The following ZFYVE28 variants were observed in gnomAD, a reference collection of about 807,000 sequenced individuals.
ZFYVE28 encodes the protein zinc finger FYVE-type containing 28, also known as lateral signaling target protein 2 homolog.
In ZFYVE28, 40 loss-of-function variants were observed where a neutral mutation model predicts 82.1. The ratio of observed to expected loss-of-function variants is 0.49; its 90% CI spans 0.38 to 0.63. ZFYVE28 has a LOEUF of 0.63. Ranked by LOEUF, ZFYVE28 falls within the 30% of genes least tolerant of loss-of-function variation. The pLI is 0.00. For synonymous variants in ZFYVE28, 612 were observed against 546.1 expected (o/e 1.12, Z -1.68); for missense variants, 1,321 against 1,242.1 (o/e 1.06, Z -0.96).
At position 2,273,225 on chromosome 4, in the gene ZFYVE28, A is replaced by C; in HGVS notation, c.2271T>G (p.Phe757Leu). ...TTTCAGGCTTGGTGGCCATGACCTC[A>C]AACAGTGTTTTAAGAATACTTCTCA... ...SDLRSILKTLFEVMATKPETD... is the reference protein window; with the variant it reads ...SDLRSILKTLLEVMATKPETD... Residue 757 changes from phenylalanine (F) to leucine (L), a missense_variant, in exon 10 of 13, where the codon TTT (phenylalanine) becomes TTG (leucine). Phe to Leu is a conservative substitution (Grantham distance 22, BLOSUM62 0). Transcript: ENST00000290974. 6.2e-7 allele frequency: 1 copy of C among 1,613,898 alleles called. No individual in the cohort carries two copies. The highest frequency in any genetic ancestry group is 8.5e-7 in the Non-Finnish European group (1 of 1,179,930).
chr4:2,332,699 A>G lies in ZFYVE28; in HGVS notation c.701+3006T>C, dbSNP rs1195568986. On this transcript the variant is annotated intron_variant, in intron 6 of 12. Coordinates refer to ENST00000290974, the MANE Select transcript of ZFYVE28 (RefSeq NM_020972.3). The surrounding 1 kb of genome is among the most constrained non-coding windows in gnomAD (Gnocchi z 4.7). ...CGGCTCAAAGCGGTCGCTGTGGATG[A>G]CGAGGAACAAGACGGGATCCGCTGG... 6.6e-6 allele frequency among the ~76,000 whole-genome samples: 1 copy of G among 152,152 alleles called. No homozygotes were observed. Among genetic ancestry groups the G allele is most frequent in the Non-Finnish European group, 1.5e-5 (1 of 68,016 alleles).
At chr4:2,389,629 C>A (rs1238016808) in intron 1 of ZFYVE28, among the ~76,000 whole-genome samples, 1 of 152,212 alleles carries the variant, frequency 6.6e-6, no homozygotes, top group African/African-American at 2.4e-5. Context: ...AGGGCAATGA[C>A]AGCCCTGCGT....
At chr4:2,346,474 A>T (rs1723614626) in intron 2 of ZFYVE28, among the ~76,000 whole-genome samples, 1 of 152,262 alleles carries the variant, frequency 6.6e-6, no homozygotes, top group Non-Finnish European at 1.5e-5. Context: ...AATATACAAG[A>T]TCCTTTTTTA....
Position 2,372,579 on chromosome 4 carries a change from G to A in ZFYVE28, c.40-18506C>T, listed in dbSNP as rs1383885471. ...ATGTGGGAGGGGTACACAGAGGTGC[G>A]GGCAGGCAGGGGTGCTGGGGTTCTG... On this transcript the variant is annotated intron_variant, in intron 1 of 12. Transcript: ENST00000290974. The surrounding 1 kb of genome is among the most constrained non-coding windows in gnomAD (Gnocchi z 5.2). Among the ~76,000 whole-genome samples, 2 of 152,140 alleles carry A rather than the reference G, an allele frequency of 1.3e-5. No individual in the cohort carries two copies. Among genetic ancestry groups the A allele is most frequent in the African/African-American group, 4.8e-5 (2 of 41,424 alleles).
intron 2 of ZFYVE28, among the ~76,000 whole-genome samples, chr4:2,351,710 C>G (rs1578209928): frequency 6.6e-6 from 1 of 152,122 alleles, no homozygotes; most frequent in African/African-American, 2.4e-5. Flanking sequence ...TGAGACCCCA[C>G]AGGGTGAGGG....
chr4:2,354,188 G>T, intron 1 of ZFYVE28, 115 bp from the exon 2 acceptor site: 1 of 1,149,678 alleles, frequency 8.7e-7, no homozygotes, highest in Non-Finnish European at 1.2e-6. Flanking sequence ...TCCACCCTGA[G>T]CAGCAGCCGG....
intron 3 of ZFYVE28, among the ~76,000 whole-genome samples, chr4:2,340,921 T>C (rs1375730173): frequency 1.3e-5 from 2 of 151,384 alleles, no homozygotes; most frequent in Non-Finnish European, 2.9e-5. Flanking sequence ...GTGTCGGGGC[T>C]GAGGTCAGGC....
intron 8 of ZFYVE28, among the ~76,000 whole-genome samples, chr4:2,293,495 T>C (rs1013814227): frequency 5.3e-5 from 8 of 152,188 alleles, no homozygotes; most frequent in Non-Finnish European, 1.2e-4. Context: ...GGCTCAAGCC[T>C]GTAATCCCAG....
intron 1 of ZFYVE28, among the ~76,000 whole-genome samples, chr4:2,380,751 C>T (rs559158957): frequency 5.4e-4 from 82 of 152,292 alleles, no homozygotes; most frequent in Admixed American, 1.8e-3. Flanking sequence ...CAGGGGTTTT[C>T]GCTTTTGCAT....
chr4:2,305,321 T>C lies in ZFYVE28; in HGVS notation c.1019A>G (p.Gln340Arg). 2 of 1,613,178 alleles carry C rather than the reference T, an allele frequency of 1.2e-6. No individual in the cohort carries two copies. The highest frequency in any genetic ancestry group is 1.3e-5 in the African/African-American group (1 of 75,084). The change falls in exon 8 of 13, where the codon CAG becomes CGG. Residue 340 changes from glutamine to arginine, a missense_variant. Physicochemically the swap from Gln to Arg is conservative, Grantham distance 43. This residue lies in a region of ZFYVE28 where 978 missense variants were observed against 833.7 expected (regional missense o/e 1.17). Coordinates refer to ENST00000290974, the MANE Select transcript of ZFYVE28 (RefSeq NM_020972.3). ...CATGCGGCTGAGCTGCTCCAGCTCC[T>C]GGTCGTCGTACTGCATGGAGCAGGC... ...ELACSMQYDD[Q>R]ELEQLSRMVH...
chr4:2,378,258 T>C (rs1728370032), intron 1 of ZFYVE28, among the ~76,000 whole-genome samples: 1 of 152,148 alleles, frequency 6.6e-6, no homozygotes, highest in Admixed American at 6.5e-5. Flanking sequence ...TAAGAATTGC[T>C]TGAACCCGGG....
At chr4:2,290,322 A>G (rs1713424771) in intron 8 of ZFYVE28, among the ~76,000 whole-genome samples, 1 of 152,172 alleles carries the variant, frequency 6.6e-6, no homozygotes, top group East Asian at 1.9e-4. Flanking sequence ...GCTACAGAAC[A>G]GGGTCTCGAA....
chr4:2,415,434 TAGTG>T (rs1205804980), intron 1 of ZFYVE28, among the ~76,000 whole-genome samples: 2 of 124,678 alleles, frequency 1.6e-5, no homozygotes, highest in African/African-American at 3.7e-5. Flanking sequence ...CGGGGCAACA[TAGTG>T]AGACCCTGTC....
Position 2,335,589 on chromosome 4 carries a change from G to T in ZFYVE28, c.701+116C>A. Reference sequence around the variant, plus strand: ...CTGCCTGTCACTGATCGGGACAGCTGAGCGGCCACCGTGAGGTGGAGACGC... The same window carrying T: ...CTGCCTGTCACTGATCGGGACAGCTTAGCGGCCACCGTGAGGTGGAGACGC... On this transcript the variant is annotated intron_variant, in intron 6 of 12. Coordinates refer to ENST00000290974, the MANE Select transcript of ZFYVE28 (RefSeq NM_020972.3). This position sits in a 1 kb window ranked among gnomAD's most constrained non-coding sequence, Gnocchi z 5.8. The T allele has an allele frequency of 1.1e-6, 1 of 943,990 alleles. No individual in the cohort carries two copies. The highest frequency in any genetic ancestry group is 1.6e-6 in the Non-Finnish European group (1 of 618,966). The allele number at this position is 943,990 out of a possible 1,614,324, so 58.5% of individuals were successfully genotyped here.
In ZFYVE28 at chr4:2,304,727, G is replaced by A. The variant is rs199748984; in HGVS notation, c.1613C>T (p.Ser538Leu). 1.5e-4 allele frequency: 244 copies of A among 1,612,710 alleles called. No homozygotes were observed. Among genetic ancestry groups the A allele is most frequent in the East Asian group, 1.4e-3 (64 of 44,880 alleles). Reference sequence around the variant, plus strand: ...ATCCATCCCCTCGGCCACGGGCTCCGAGGCGGCCTCCTGGGTGGCGACCGC... The same window carrying A: ...ATCCATCCCCTCGGCCACGGGCTCCAAGGCGGCCTCCTGGGTGGCGACCGC... The part of the protein sequence containing the change: ...DSAVATQEAA[S>L]EPVAEGMDGG... The change falls in exon 8 of 13, where the codon TCG becomes TTG. Residue 538 changes from serine to leucine, a missense_variant. Physicochemically the swap from Ser to Leu is moderately radical, Grantham distance 145 (BLOSUM62 -2). This residue lies in a region of ZFYVE28 where 978 missense variants were observed against 833.7 expected (regional missense o/e 1.17). Coordinates refer to ENST00000290974, the MANE Select transcript of ZFYVE28 (RefSeq NM_020972.3).
rs1350312727 is a variant in ZFYVE28 at position 2,332,272 on chromosome 4, G to T, written c.701+3433C>A. On this transcript the variant is annotated intron_variant, in intron 6 of 12. Coordinates refer to ENST00000290974, the MANE Select transcript of ZFYVE28 (RefSeq NM_020972.3). The surrounding 1 kb of genome is among the most constrained non-coding windows in gnomAD (Gnocchi z 4.7). ...CTTCACAGAGGCAGGATCCTGCGAG[G>T]GTGTGGGCCCAGGAATGCAGGCTAG... Among the ~76,000 whole-genome samples, 4 of 152,148 alleles carry T rather than the reference G, an allele frequency of 2.6e-5. No homozygotes were observed. Among genetic ancestry groups the T allele is most frequent in the Non-Finnish European group, 4.4e-5 (3 of 68,000 alleles).
At chr4:2,336,807 T>G (rs1218129735) in intron 5 of ZFYVE28, among the ~76,000 whole-genome samples, 18 of 89,614 alleles carry the variant, frequency 2.0e-4, no homozygotes, top group South Asian at 7.2e-4. Flanking sequence ...GATGAGGAGG[T>G]GAGGAGGTGT....
rs115395363 is a variant in ZFYVE28 at position 2,404,913 on chromosome 4, T to C, written c.39+13372A>G. Among the ~76,000 whole-genome samples the C allele has an allele frequency of 6.5e-3, 936 of 143,240 alleles. 11 individuals are homozygous for C. The highest frequency in any genetic ancestry group is 0.024 in the African/African-American group (894 of 38,020). 94.0% of individuals were successfully genotyped at this position (143,240 alleles called of 152,430 possible). ...CTTGCTCTGTCACCCTTGCCCAGGC[T>C]GGAGTGCAGTGGCACAGTCGTAGTT... On this transcript the variant is annotated intron_variant, in intron 1 of 12. Transcript: ENST00000290974.
At chr4:2,317,100 G>A (rs1319182737) in intron 7 of ZFYVE28, among the ~76,000 whole-genome samples, 9 of 147,924 alleles carry the variant, frequency 6.1e-5, no homozygotes, top group African/African-American at 2.0e-4. Flanking sequence ...GCGATTCTCT[G>A]GTCTCAGCCT....
Sources: allele counts gnomAD v4.1 joint callset (sites outside exome capture counted in the v4.1 genomes callset), GRCh38; gene constraint gnomAD v4.1.1; regional missense constraint gnomAD v4.1.1; non-coding constraint Gnocchi (gnomAD v3.1); transcripts MANE v1.5; gene names NCBI Gene and HGNC (gene_info 2026-07-23, HGNC 2026-07-21).